The following EVL variants were observed in gnomAD, a reference collection of about 807,000 sequenced individuals.
The protein encoded by EVL is Enah/Vasp-like.
Under a neutral mutation model 59.6 loss-of-function variants are expected in EVL, and 21 were observed. The ratio of observed to expected loss-of-function variants is 0.35; its 90% CI spans 0.25 to 0.51. The LOEUF (loss-of-function observed/expected upper bound fraction) is 0.51. Among genes scored for constraint, EVL ranks in the 20% least tolerant of loss-of-function variants. The pLI is 0.97. For missense variants in EVL, 462 were observed against 546.6 expected, an observed-to-expected ratio of 0.85 and a Z score of 1.54; for synonymous variants, 198 against 203.5, an observed-to-expected ratio of 0.97 and a Z score of 0.23.
At chr14:100,035,873 C>T (rs2061381214) in intron 1 of EVL, among the ~76,000 whole-genome samples, 1 of 152,156 alleles carries the variant, frequency 6.6e-6, no homozygotes, top group African/African-American at 2.4e-5. Flanking sequence ...CCCCACCTCA[C>T]CTAGGGGGCA....
rs751092294 is a variant in EVL at position 100,137,788 on chromosome 14, G to A, written c.1080G>A (p.Ser360=). 5 of 1,613,976 alleles carry A rather than the reference G, an allele frequency of 3.1e-6. No individual in the cohort carries two copies. Among genetic ancestry groups the A allele is most frequent in the East Asian group, 2.2e-5 (1 of 44,890 alleles). The change falls in exon 11 of 14, where the codon TCG becomes TCA. Residue 360 remains serine (S), a synonymous_variant. Coordinates refer to ENST00000392920, the MANE Select transcript of EVL (RefSeq NM_016337.3). ...CCGAAGCTAAGAGCCCCCTTCAGTC[G>A]CAGCCTCACTCTAGGTACCGAACAA... ...KSPEAKSPLQ[S]QPHSRMKPAG... is the part of the protein sequence containing the mutation.
At chr14:99,986,041 C>T (rs1336405592) in intron 1 of EVL, among the ~76,000 whole-genome samples, 2 of 152,234 alleles carry the variant, frequency 1.3e-5, no homozygotes, top group East Asian at 3.9e-4. Flanking sequence ...CCTGTAATCC[C>T]AGCACTTTGG....
chr14:100,005,561 A>G (rs1595557205), intron 1 of EVL, among the ~76,000 whole-genome samples: 1 of 151,814 alleles, frequency 6.6e-6, no homozygotes, highest in East Asian at 1.9e-4. Context: ...TCAACTGAGA[A>G]GAAAACTCTC....
intron 1 of EVL, among the ~76,000 whole-genome samples, chr14:99,983,767 A>G (rs1283455404): frequency 1.3e-5 from 2 of 152,146 alleles, no homozygotes; most frequent in African/African-American, 4.8e-5. Flanking sequence ...TTACCTTGCT[A>G]ACTTCTTAGC....
rs946220396 is a variant in EVL at position 100,109,745 on chromosome 14, G to A, written c.358+12087G>A. 4 of 526,700 alleles carry A rather than the reference G, an allele frequency of 7.6e-6. No homozygotes were observed. In the African/African-American group the frequency reaches 7.7e-5, roughly 10 times the overall value. 32.6% of individuals were successfully genotyped at this position (526,700 alleles called of 1,614,324 possible). A position where few individuals can be genotyped will look rare whatever the true frequency, so the allele number is the denominator to read the frequency against. On this transcript the variant is annotated intron_variant, in intron 3 of 13. Coordinates refer to ENST00000392920, the MANE Select transcript of EVL (RefSeq NM_016337.3). This position sits in a 1 kb window ranked among gnomAD's most constrained non-coding sequence, Gnocchi z 4.3. The stretch of plus-strand genomic sequence containing the variant: ...CACAGAAATCGCACCCGTCACCTTG[G>A]CCTACTTATCACCACCCCAAACAGA...
intron 5 of EVL, 81 bp from the exon 6 acceptor site, chr14:100,128,438 C>G: frequency 6.9e-7 from 1 of 1,450,562 alleles, no homozygotes; most frequent in South Asian, 1.1e-5. Flanking sequence ...TGTCCTTCCT[C>G]CGGGGAACCT....
At chr14:100,113,252 C>T (rs1284700041) in intron 3 of EVL, among the ~76,000 whole-genome samples, 2 of 152,134 alleles carry the variant, frequency 1.3e-5, no homozygotes, top group Admixed American at 1.3e-4. Flanking sequence ...GAGGAACAAG[C>T]AGAACCAGGC....
rs1328569234 is a variant in EVL at position 99,984,716 on chromosome 14, C to T, written c.5+12659C>T. Among the ~76,000 whole-genome samples the T allele has an allele frequency of 3.3e-5, 5 of 152,214 alleles. No homozygotes were observed. In the South Asian group the frequency reaches 6.2e-4, roughly 19 times the overall value. The stretch of plus-strand genomic sequence containing the variant: ...GCAACCTCCACCTCCCAGTTTCAAG[C>T]GATTCTCCTGTCTCAGCCTCCCGAG... On this transcript the variant is annotated intron_variant, in intron 1 of 13. Coordinates refer to the EVL transcript ENST00000402714.
chr14:100,034,044 G>A (rs1361426485), intron 1 of EVL, among the ~76,000 whole-genome samples: 1 of 151,510 alleles, frequency 6.6e-6, no homozygotes, highest in African/African-American at 2.4e-5. Flanking sequence ...TGGGCAACAT[G>A]GCAAAACCCC....
At chr14:100,115,637 G>T (rs1248550882) in intron 3 of EVL, among the ~76,000 whole-genome samples, 4 of 152,202 alleles carry the variant, frequency 2.6e-5, no homozygotes, top group African/African-American at 9.7e-5. Flanking sequence ...TCTCTGCTAA[G>T]CCCAGGGCCA....
chr14:100,133,712 C>T lies in EVL; in HGVS notation c.900+933C>T, dbSNP rs139508681. ...CAGCACTTTGGGAGGCCGAGGCAGACGGATCACCTGAGGTCAGGAGTTTGA... is the reference window on the plus strand; with the variant it reads ...CAGCACTTTGGGAGGCCGAGGCAGATGGATCACCTGAGGTCAGGAGTTTGA... On this transcript the variant is annotated intron_variant, in intron 8 of 13. Coordinates refer to ENST00000392920, the MANE Select transcript of EVL (RefSeq NM_016337.3). 1.8e-4 allele frequency among the ~76,000 whole-genome samples: 28 copies of T among 152,264 alleles called. 2 individuals carry two copies. The highest frequency in any genetic ancestry group is 5.5e-4 in the African/African-American group (23 of 41,552).
intron 2 of EVL, among the ~76,000 whole-genome samples, chr14:100,094,509 A>G (rs570200554): frequency 2.4e-4 from 37 of 152,166 alleles, no homozygotes; most frequent in African/African-American, 8.9e-4. Context: ...TGGGAGGCCA[A>G]GGCGGGAGCA....
At chr14:100,143,018 T>C (rs1186497705) in intron 13 of EVL, among the ~76,000 whole-genome samples, 1 of 152,170 alleles carries the variant, frequency 6.6e-6, no homozygotes, top group Non-Finnish European at 1.5e-5. Flanking sequence ...GGCTGTTGGC[T>C]CTTGGCCCAG....
rs1166714746 is a variant in EVL, at chr14:100,059,624, G to C, written c.6-25063G>C. 3.3e-5 allele frequency among the ~76,000 whole-genome samples: 5 copies of C among 152,088 alleles called. No homozygotes were observed. The East Asian group carries it at 7.7e-4, about 23-fold the overall frequency. On this transcript the variant is annotated intron_variant, in intron 1 of 13. Transcript: ENST00000402714. Reference sequence around the variant, plus strand: ...CAGTTCTGGGAGATGTTGCAGATCCGGCTTAACCTGAATGAAGAAACCGCC... The same window carrying C: ...CAGTTCTGGGAGATGTTGCAGATCCCGCTTAACCTGAATGAAGAAACCGCC...
At chr14:100,022,057 T>A (rs570734705) in intron 1 of EVL, among the ~76,000 whole-genome samples, 7 of 151,262 alleles carry the variant, frequency 4.6e-5, no homozygotes, top group African/African-American at 1.7e-4. Flanking sequence ...ATGGGGAGAG[T>A]GATTCTCACC....
chr14:100,006,167 A>T (rs183570094), intron 1 of EVL, among the ~76,000 whole-genome samples: 27 of 152,324 alleles, frequency 1.8e-4, no homozygotes, highest in Non-Finnish European at 3.8e-4. Context: ...AGACCAAAAC[A>T]ACAACAAAAA....
chr14:100,049,413 G>A (rs745776213), intron 1 of EVL, among the ~76,000 whole-genome samples: 3 of 152,166 alleles, frequency 2.0e-5, no homozygotes, highest in Non-Finnish European at 4.4e-5. Context: ...TTTGTCAGCA[G>A]CGCCCTTGCT....
Position 100,128,589 on chromosome 14 carries a change from G to GGC in EVL, c.558_559insGC (p.Pro187AlafsTer44). 2.4e-6 allele frequency: 2 copies of GGC among 831,696 alleles called. No individual in the cohort carries two copies. Among genetic ancestry groups the GGC allele is most frequent in the Non-Finnish European group, 3.4e-6 (2 of 590,734 alleles). The allele number at this position is 831,696 out of a possible 1,614,324, so 51.5% of individuals were successfully genotyped here. A position where few individuals can be genotyped will look rare whatever the true frequency, so the allele number is the denominator to read the frequency against. The stretch of plus-strand genomic sequence containing the variant: ...CCGTCTCATGTAGTGGGCCTCCACC[G>GGC]CCCCCCCCACCCCCAGTCCCACCTC... On this transcript the variant is annotated frameshift_variant, in exon 6 of 14. Coordinates refer to ENST00000392920, the MANE Select transcript of EVL (RefSeq NM_016337.3). LOFTEE classifies it high-confidence loss of function.
At chr14:100,027,277 A>C (rs191510589) in intron 1 of EVL, among the ~76,000 whole-genome samples, 1 of 152,210 alleles carries the variant, frequency 6.6e-6, no homozygotes, top group East Asian at 1.9e-4. Context: ...TTTTTTAGTT[A>C]TTTTGAAATG....
Sources: gnomAD v4.1 joint callset for allele counts (sites outside exome capture counted in the v4.1 genomes callset) on GRCh38, gnomAD v4.1.1 for gene constraint, Gnocchi (gnomAD v3.1) non-coding constraint, MANE v1.5 for transcripts, NCBI Gene and HGNC (gene_info 2026-07-23, HGNC 2026-07-21) for gene names.